The following TSHZ1 variants were observed in gnomAD, a reference collection of about 807,000 sequenced individuals.
TSHZ1 encodes the protein teashirt homolog 1.
In TSHZ1, 12 loss-of-function variants were observed where a neutral mutation model predicts 67.1. That is an observed-to-expected ratio of 0.18 (90% CI 0.11 to 0.29). The LOEUF is 0.29. TSHZ1 is among the 10% of genes least tolerant of loss of function. TSHZ1 has a pLI of 1.00. For missense variants in TSHZ1, 1,305 were observed against 1,413.9 expected (o/e 0.92, Z 1.23); for synonymous variants, 632 against 622.4 (o/e 1.02, Z -0.23).
chr18:75,240,123 A>C (rs186162570), intron 1 of TSHZ1, among the ~76,000 whole-genome samples: 16 of 152,330 alleles, frequency 1.1e-4, no homozygotes, highest in African/African-American at 3.4e-4. Flanking sequence ...GGGAATATAA[A>C]TATCCTTGGA....
chr18:75,253,823 T>C (rs1038866463), intron 1 of TSHZ1, among the ~76,000 whole-genome samples: 10 of 152,256 alleles, frequency 6.6e-5, no homozygotes, highest in Admixed American at 5.2e-4. Flanking sequence ...GTCTTCAGTT[T>C]TAGGGAAGGC....
At chr18:75,268,685 G>A (rs760705114) in intron 1 of TSHZ1, among the ~76,000 whole-genome samples, 3 of 152,130 alleles carry the variant, frequency 2.0e-5, no homozygotes, top group Non-Finnish European at 4.4e-5. Context: ...AAAAATCAGC[G>A]AGCAAACCAT....
intron 1 of TSHZ1, among the ~76,000 whole-genome samples, chr18:75,266,839 A>C (rs1468915074): frequency 1.3e-5 from 2 of 152,226 alleles, no homozygotes; most frequent in African/African-American, 4.8e-5. Context: ...CAGTATTGAC[A>C]TAAAGAATAT....
intron 1 of TSHZ1, among the ~76,000 whole-genome samples, chr18:75,214,460 A>G (rs1478413242): frequency 6.6e-6 from 1 of 152,244 alleles, no homozygotes; most frequent in Non-Finnish European, 1.5e-5. Context: ...AAAGAGGGCA[A>G]TGATATACAT....
intron 1 of TSHZ1, among the ~76,000 whole-genome samples, chr18:75,282,429 A>G (rs993801738): frequency 6.6e-6 from 1 of 152,158 alleles, no homozygotes. Flanking sequence ...CTGTGTTTTC[A>G]GTGTTGAGAG....
At chr18:75,218,794 A>G (rs1452037570) in intron 1 of TSHZ1, among the ~76,000 whole-genome samples, 1 of 152,258 alleles carries the variant, frequency 6.6e-6, no homozygotes, top group Admixed American at 6.5e-5. Context: ...AAGAACAGCA[A>G]GTGTTTTATT....
At chr18:75,230,522 T>G (rs2022984160) in intron 1 of TSHZ1, among the ~76,000 whole-genome samples, 1 of 152,178 alleles carries the variant, frequency 6.6e-6, no homozygotes, top group South Asian at 2.1e-4. Flanking sequence ...TTTTTTAATT[T>G]TTTTCTTGGA....
chr18:75,272,757 G>T (rs937062439), intron 1 of TSHZ1, among the ~76,000 whole-genome samples: 1 of 152,182 alleles, frequency 6.6e-6, no homozygotes, highest in African/African-American at 2.4e-5. Context: ...GTATGTTAAT[G>T]TGGGTTGTTC....
chr18:75,241,066 G>T (rs1036589381), intron 1 of TSHZ1, among the ~76,000 whole-genome samples: 2 of 152,162 alleles, frequency 1.3e-5, no homozygotes, highest in Non-Finnish European at 2.9e-5. Context: ...ACAGTCATTT[G>T]CCTGTTGGCT....
At chr18:75,254,032 A>G (rs758588641) in intron 1 of TSHZ1, among the ~76,000 whole-genome samples, 11 of 152,240 alleles carry the variant, frequency 7.2e-5, no homozygotes, top group Non-Finnish European at 1.5e-4. Context: ...CGTAGCATTG[A>G]CTGCAGTATT....
In TSHZ1 at chr18:75,287,269, T is replaced by C. The variant is rs756491979; in HGVS notation, c.1862T>C (p.Leu621Pro). The C allele has an allele frequency of 3.7e-6, 6 of 1,613,964 alleles. No individual in the cohort carries two copies. In the Admixed American group the frequency reaches 8.3e-5, roughly 22 times the overall value. The change falls in exon 2 of 2, where the codon CTG (leucine) becomes CCG (proline). Residue 621 changes from leucine to proline, a missense_variant. Around this residue, in one of 3 missense-constraint regions of TSHZ1, gnomAD observed 909 missense variants for 961.8 expected, o/e 0.95. Coordinates refer to ENST00000580243, the MANE Select transcript of TSHZ1 (RefSeq NM_001308210.2). The surrounding 1 kb of genome is among the most constrained non-coding windows in gnomAD (Gnocchi z 5.0). ...TCTTCCGCCGAGCACAACGCCCTCC[T>C]GCACTCCCCAGGGAGCCTCACGCCC... Reference protein sequence around the residue: ...SLSSAEHNALLHSPGSLTPPP... With the variant: ...SLSSAEHNALPHSPGSLTPPP...
At chr18:75,270,215 A>G (rs550712615) in intron 1 of TSHZ1, among the ~76,000 whole-genome samples, 2 of 152,276 alleles carry the variant, frequency 1.3e-5, no homozygotes, top group Admixed American at 6.5e-5. Context: ...TACTGATGGC[A>G]TGGCCTGGGG....
chr18:75,244,902 C>A (rs977741761), intron 1 of TSHZ1, among the ~76,000 whole-genome samples: 6 of 152,122 alleles, frequency 3.9e-5, no homozygotes, highest in African/African-American at 1.2e-4. Context: ...GATTTATAAT[C>A]CAGCCCTAAA....
chr18:75,234,673 C>A (rs1195220805), intron 1 of TSHZ1, among the ~76,000 whole-genome samples: 3 of 151,708 alleles, frequency 2.0e-5, no homozygotes, highest in African/African-American at 7.3e-5. Flanking sequence ...TGGTTGGATA[C>A]CAACTCAAAT....
intron 1 of TSHZ1, among the ~76,000 whole-genome samples, chr18:75,218,284 G>A (rs2022799308): frequency 6.6e-6 from 1 of 152,204 alleles, no homozygotes; most frequent in Non-Finnish European, 1.5e-5. Flanking sequence ...ACTGCCTGCT[G>A]GAGTCATTTT....
rs568025429 is a variant in TSHZ1, at chr18:75,263,875, G to A, written c.41-21573G>A. ...GCAGAGGAAAAGGAAAGAAGCAACT[G>A]TTGATTTATACCATGATGCTAGCAA... On this transcript the variant is annotated intron_variant, in intron 1 of 1. Coordinates refer to ENST00000580243, the MANE Select transcript of TSHZ1 (RefSeq NM_001308210.2). Among the ~76,000 whole-genome samples, 6 of 152,314 alleles carry A rather than the reference G, an allele frequency of 3.9e-5. No individual in the cohort carries two copies. In the South Asian group the frequency reaches 1.2e-3, roughly 32 times the overall value.
rs1368404820 is a variant in TSHZ1, at chr18:75,264,623, T to A, written c.41-20825T>A. 5.3e-5 allele frequency among the ~76,000 whole-genome samples: 8 copies of A among 152,126 alleles called. No individual in the cohort carries two copies. The East Asian group carries it at 1.5e-3, about 29-fold the overall frequency. On this transcript the variant is annotated intron_variant, in intron 1 of 1. Transcript: ENST00000580243. ...TGATTGTGCTGTGAGGTGGAGTTCT[T>A]TGGCAGGGTCTCCTGAATCAGAAGC...
intron 1 of TSHZ1, among the ~76,000 whole-genome samples, chr18:75,260,236 A>C (rs2023414140): frequency 6.6e-6 from 1 of 152,250 alleles, no homozygotes; most frequent in Admixed American, 6.5e-5. Context: ...AATTCATTTC[A>C]ATAGCAAATA....
Position 75,286,582 on chromosome 18 carries a change from C to T in TSHZ1, c.1175C>T (p.Pro392Leu). Residue 392 changes from proline (P) to leucine (L), a missense_variant, in exon 2 of 2, where the codon CCC (proline) becomes CTC (leucine). Transcript: ENST00000580243. This position sits in a 1 kb window ranked among gnomAD's most constrained non-coding sequence, Gnocchi z 5.1. ...AAAGCAGCGAACCCGTACGTCACGC[C>T]CAATAACCGCTATGGCTACCAGAAT... Reference protein sequence around the residue: ...DQKAANPYVTPNNRYGYQNGA... With the variant: ...DQKAANPYVTLNNRYGYQNGA... 1 of 1,614,210 alleles carries T rather than the reference C, an allele frequency of 6.2e-7. No homozygotes were observed. Among genetic ancestry groups the T allele is most frequent in the South Asian group, 1.1e-5 (1 of 91,082 alleles).
Sources: allele counts gnomAD v4.1 joint callset (sites outside exome capture counted in the v4.1 genomes callset), GRCh38; gene constraint gnomAD v4.1.1; regional missense constraint gnomAD v4.1.1; non-coding constraint Gnocchi (gnomAD v3.1); transcripts MANE v1.5; gene names NCBI Gene and HGNC (gene_info 2026-07-23, HGNC 2026-07-21).